SARDH: variants seen among roughly 807,000 people sequenced by gnomAD.
SARDH encodes sarcosine dehydrogenase, mitochondrial.
Under a neutral mutation model 109.1 loss-of-function variants are expected in SARDH, and 95 were observed. The observed-to-expected ratio is 0.87, with a 90% CI of 0.74 to 1.03. The LOEUF (loss-of-function observed/expected upper bound fraction) is 1.03, where lower values mean the gene tolerates loss of function less well. Among genes scored for constraint, SARDH ranks in the 50% least tolerant of loss-of-function variants. The pLI is 0.00. For synonymous variants in SARDH, 572 were observed against 534.8 expected, an observed-to-expected ratio of 1.07 and a Z score of -0.96; for missense variants, 1,267 against 1,287.8, an observed-to-expected ratio of 0.98 and a Z score of 0.25.
chr9:133,664,070 G>A (rs1346594307), intron 20 of SARDH, 56 bp from the exon 21 acceptor site: 44 of 1,584,142 alleles, frequency 2.8e-5, no homozygotes, highest in Middle Eastern at 3.4e-4. Context: ...CAGGGCTCAC[G>A]TCTGCCTGCT....
At chr9:133,727,782 C>G (rs896112942) in intron 6 of SARDH, among the ~76,000 whole-genome samples, 2 of 152,184 alleles carry the variant, frequency 1.3e-5, no homozygotes. Flanking sequence ...CCTAGCTTCG[C>G]TTGAATCTTG....
chr9:133,727,995 C>T (rs896413505), intron 6 of SARDH, among the ~76,000 whole-genome samples: 2 of 152,110 alleles, frequency 1.3e-5, no homozygotes, highest in Non-Finnish European at 2.9e-5. Context: ...CCCACTGAGA[C>T]CTGAGCGTGA....
chr9:133,728,878 G>A lies in SARDH; in HGVS notation c.915+887C>T, dbSNP rs1476675242. Among the ~76,000 whole-genome samples, 1 of 152,110 alleles carries A rather than the reference G, an allele frequency of 6.6e-6. No individual in the cohort carries two copies. The highest frequency in any genetic ancestry group is 2.4e-5 in the African/African-American group (1 of 41,400). On this transcript the variant is annotated intron_variant, in intron 6 of 20. Transcript: ENST00000439388. The surrounding 1 kb of genome is among the most constrained non-coding windows in gnomAD (Gnocchi z 5.0). The stretch of plus-strand genomic sequence containing the variant: ...GGGAGGGAGGGATTGATGGGTAGAA[G>A]TTTAGGTGGGTGGGTGGATGGAAGG...
chr9:133,697,973 C>T (rs561681976), intron 13 of SARDH, among the ~76,000 whole-genome samples: 6 of 112,788 alleles, frequency 5.3e-5, no homozygotes, highest in Admixed American at 2.2e-4. Flanking sequence ...TTTGCCAAAA[C>T]AGTATCTTGT....
Position 133,729,965 on chromosome 9 carries a change from G to A in SARDH, c.814+99C>T, listed in dbSNP as rs1275130460. On this transcript the variant is annotated intron_variant, in intron 5 of 20. Coordinates refer to ENST00000439388, the MANE Select transcript of SARDH (RefSeq NM_001134707.2). ...CTCTGCAGACCTGTCTGCCCTAGCA[G>A]GGGCTCCCCACCCCAGAAAGAAGCC... is the stretch of plus-strand genomic sequence containing the variant. 2.5e-6 allele frequency: 4 copies of A among 1,590,308 alleles called. No individual in the cohort carries two copies. In the African/African-American group the frequency reaches 5.4e-5, roughly 21 times the overall value.
At position 133,731,183 on chromosome 9, in the gene SARDH, T is replaced by G. The variant is rs930171131; in HGVS notation, c.690+122A>C. 6.9e-6 allele frequency: 9 copies of G among 1,313,632 alleles called. No individual in the cohort carries two copies. The African/African-American group carries it at 1.2e-4, about 17-fold the overall frequency. The allele number at this position is 1,313,632 out of a possible 1,614,324, so 81.4% of individuals were successfully genotyped here. A position where few individuals can be genotyped will look rare whatever the true frequency, so the allele number is the denominator to read the frequency against. ...CCAGAAGGCTCAGAGAGGTCCTCAC[T>G]GGCCCAAAGTCACACAGCAGTCAGA... On this transcript the variant is annotated intron_variant, in intron 4 of 20. Transcript: ENST00000439388.
At chr9:133,731,028 A>G (rs886821700) in intron 4 of SARDH, among the ~76,000 whole-genome samples, 3 of 152,228 alleles carry the variant, frequency 2.0e-5, no homozygotes, top group African/African-American at 4.8e-5. Flanking sequence ...GTTGAGACAA[A>G]CACAGATACA....
At chr9:133,689,238 C>T (rs1389909840) in intron 16 of SARDH, among the ~76,000 whole-genome samples, 3 of 151,606 alleles carry the variant, frequency 2.0e-5, no homozygotes, top group Non-Finnish European at 4.4e-5. Context: ...AAGCTGCCAC[C>T]ATCATTTTCC....
At chr9:133,683,471 G>A (rs557858522) in intron 17 of SARDH, among the ~76,000 whole-genome samples, 82 of 152,330 alleles carry the variant, frequency 5.4e-4, no homozygotes, top group African/African-American at 1.8e-3. Context: ...TGGATGCTGC[G>A]TGGACCCCGG....
chr9:133,664,572 C>CGCCTGGCACTGCTGGTGAT (rs1417139613), intron 20 of SARDH, among the ~76,000 whole-genome samples: 2 of 152,104 alleles, frequency 1.3e-5, no homozygotes, highest in African/African-American at 4.8e-5. Flanking sequence ...CAGCTGGTGA[C>CGCCTGGCACTGCTGGTGAT]GCCTGGCACT....
At chr9:133,662,530 C>T (rs1564219018), downstream of SARDH, among the ~76,000 whole-genome samples, 1 of 152,302 alleles carries the variant, frequency 6.6e-6, no homozygotes, top group East Asian at 1.9e-4. This position sits in a 1 kb window ranked among gnomAD's most constrained non-coding sequence, Gnocchi z 5.1. Context: ...AGCCAACAGC[C>T]CCCACCCTGG....
intron 14 of SARDH, among the ~76,000 whole-genome samples, chr9:133,695,553 C>G (rs1294774293): frequency 6.6e-6 from 1 of 152,222 alleles, no homozygotes; most frequent in Admixed American, 6.5e-5. Flanking sequence ...CGGCCACCAC[C>G]AGCAGCTGGA....
At position 133,725,564 on chromosome 9, in the gene SARDH, T is replaced by C. The variant is rs371851502; in HGVS notation, c.915+4201A>G. 3.9e-4 allele frequency: 165 copies of C among 423,708 alleles called. 1 individual carries two copies. Among genetic ancestry groups the C allele is most frequent in the African/African-American group, 2.9e-3 (144 of 48,974 alleles). The allele number at this position is 423,708 out of a possible 1,614,324, so 26.2% of individuals were successfully genotyped here. On this transcript the variant is annotated intron_variant, in intron 6 of 20. Transcript: ENST00000439388. The stretch of plus-strand genomic sequence containing the variant: ...GGTGACGGGCACATTTAATCCCAGC[T>C]ACATGGGAGGCTGAGGCACGAGAAT...
intron 16 of SARDH, among the ~76,000 whole-genome samples, chr9:133,689,193 T>C (rs733149): frequency 0.49 from 54,029 of 110,760 alleles, 10,261 homozygotes; most frequent in Admixed American, 0.57. Context: ...CACCCCTCCC[T>C]GCCTCTCCTC....
chr9:133,675,312 C>T (rs187894878), intron 17 of SARDH, among the ~76,000 whole-genome samples: 1 of 151,638 alleles, frequency 6.6e-6, no homozygotes, highest in Admixed American at 6.6e-5. Flanking sequence ...GATTGTGCCA[C>T]TGCACTCCAG....
In SARDH at chr9:133,692,707, C is replaced by A. The variant is rs2502736; in HGVS notation, c.1921+1551G>T. ...CCTGAAGCCCCACCGGCCTCCTTCA[C>A]CTCCTCCCGACCCTGGCTACCTGGT... On this transcript the variant is annotated intron_variant, in intron 15 of 20. Transcript: ENST00000439388. The surrounding 1 kb of genome is among the most constrained non-coding windows in gnomAD (Gnocchi z 5.0). Among the ~76,000 whole-genome samples the A allele has an allele frequency of 0.49, 75,032 of 151,734 alleles. 20,316 individuals are homozygous for A. The highest frequency in any genetic ancestry group is 0.73 in the African/African-American group (30,141 of 41,316).
intron 14 of SARDH, among the ~76,000 whole-genome samples, chr9:133,694,709 C>T (rs1010731044): frequency 1.3e-5 from 2 of 152,216 alleles, no homozygotes; most frequent in Non-Finnish European, 2.9e-5. Flanking sequence ...ATTCATGCCC[C>T]CCGTTCATTC....
At chr9:133,687,785 G>A (rs369914019) in intron 16 of SARDH, among the ~76,000 whole-genome samples, 4 of 152,214 alleles carry the variant, frequency 2.6e-5, no homozygotes, top group Admixed American at 6.5e-5. Context: ...TGCTGAGCAC[G>A]TCCTGAATAA....
At chr9:133,672,600 G>A (rs1346873541) in intron 17 of SARDH, among the ~76,000 whole-genome samples, 1 of 152,228 alleles carries the variant, frequency 6.6e-6, no homozygotes, top group Admixed American at 6.5e-5. Context: ...GGGACAGCCA[G>A]GTGCCAAGCC....
Sources: allele counts gnomAD v4.1 joint callset (sites outside exome capture counted in the v4.1 genomes callset), GRCh38; gene constraint gnomAD v4.1.1; non-coding constraint Gnocchi (gnomAD v3.1); transcripts MANE v1.5; gene names NCBI Gene and HGNC (gene_info 2026-07-23, HGNC 2026-07-21).